ARID1B: variants seen among roughly 807,000 people sequenced by gnomAD.
ARID1B encodes AT-rich interaction domain 1B.
Under a neutral mutation model 212.3 loss-of-function variants are expected in ARID1B, and 30 were observed. That is an observed-to-expected ratio of 0.14 (90% CI 0.11 to 0.19). The LOEUF is 0.19. Ranked by LOEUF, ARID1B falls within the 10% of genes least tolerant of loss-of-function variation. ARID1B has a pLI of 1.00. For missense variants in ARID1B, 2,891 were observed against 3,204.0 expected, an observed-to-expected ratio of 0.90 and a Z score of 2.36; for synonymous variants, 1,402 against 1,301.7, an observed-to-expected ratio of 1.08 and a Z score of -1.66.
intron 4 of ARID1B, chr6:157,024,735 G>A (rs917224700): frequency 6.6e-6 from 1 of 152,104 alleles, no homozygotes; most frequent in Admixed American, 6.5e-5. Flanking sequence ...TGCACCAGTG[G>A]ACTCCAGTGT....
At chr6:156,823,688 G>GTTTTTTTT (rs56983474) in intron 1 of ARID1B, among the ~76,000 whole-genome samples, 5 of 118,024 alleles carry the variant, frequency 4.2e-5, no homozygotes, top group African/African-American at 9.5e-5. Flanking sequence ...TTTCTTTGTT[G>GTTTTTTTT]TTTTTTTTTT....
intron 4 of ARID1B, among the ~76,000 whole-genome samples, chr6:157,010,548 C>T (rs1046596396): frequency 6.6e-6 from 1 of 151,656 alleles, no homozygotes; most frequent in Admixed American, 6.6e-5. Flanking sequence ...GTCTCATCTC[C>T]TGACCTCATG....
chr6:156,961,094 C>G (rs975922064), intron 4 of ARID1B, among the ~76,000 whole-genome samples: 1 of 152,170 alleles, frequency 6.6e-6, no homozygotes, highest in African/African-American at 2.4e-5. Context: ...AAACCCCAAA[C>G]CTCTAACCCA....
chr6:156,838,709 T>TATAATAATAATAATAATAATA (rs35310749), intron 2 of ARID1B, among the ~76,000 whole-genome samples: 1,923 of 145,818 alleles, frequency 0.013, 18 homozygotes, highest in Non-Finnish European at 0.019. Context: ...GAACTTAAAG[T>TATAATAATAATAATAATAATA]ATAATAATAA....
At chr6:157,196,337 A>G in intron 16 of ARID1B, 22 bp downstream of exon 16, 3 of 1,580,212 alleles carry the variant, frequency 1.9e-6, no homozygotes, top group Non-Finnish European at 2.6e-6. Context: ...TTAAGATGAC[A>G]ATATGATGAT....
At chr6:157,114,562 G>T (rs2128529397) in intron 6 of ARID1B, among the ~76,000 whole-genome samples, 1 of 144,420 alleles carries the variant, frequency 6.9e-6, no homozygotes. Context: ...GGTATATCAT[G>T]GAAACCATAG....
intron 8 of ARID1B, chr6:157,151,246 C>T (rs143356617): frequency 0.033 from 5,065 of 152,194 alleles, 99 homozygotes; most frequent in Non-Finnish European, 0.041. Flanking sequence ...TGTTGTGCAG[C>T]GCTGTTCTCA....
chr6:156,964,134 G>A (rs538393996), intron 4 of ARID1B, among the ~76,000 whole-genome samples: 1 of 152,368 alleles, frequency 6.6e-6, no homozygotes, highest in Admixed American at 6.5e-5. Context: ...TGTCATCATG[G>A]ACTCAGCTGC....
chr6:156,862,836 T>C (rs1169603278), intron 2 of ARID1B, among the ~76,000 whole-genome samples: 1 of 152,252 alleles, frequency 6.6e-6, no homozygotes, highest in Non-Finnish European at 1.5e-5. Context: ...TCACTCTTCC[T>C]GCTCATGAAG....
In ARID1B at chr6:157,102,465, A is replaced by G. The variant is rs957124434; in HGVS notation, c.2492-8007A>G. ...TACATATAGATAGGAGAGAGCATAA[A>G]GCAACTTCTGTTACTGACATTTATT... On this transcript the variant is annotated intron_variant, in intron 5 of 19. Transcript: ENST00000636930. Among the ~76,000 whole-genome samples the G allele has an allele frequency of 3.3e-5, 5 of 152,216 alleles. No homozygotes were observed. The East Asian group carries it at 9.6e-4, about 29-fold the overall frequency.
At chr6:156,949,232 G>T (rs969756862) in intron 4 of ARID1B, among the ~76,000 whole-genome samples, 1 of 152,092 alleles carries the variant, frequency 6.6e-6, no homozygotes, top group African/African-American at 2.4e-5. Flanking sequence ...GTTTTATAGG[G>T]ATAAAAACAT....
At chr6:156,946,354 AGAGT>A (rs759467739) in intron 4 of ARID1B, among the ~76,000 whole-genome samples, 3 of 151,914 alleles carry the variant, frequency 2.0e-5, no homozygotes, top group African/African-American at 4.8e-5. Context: ...TCTGGGCGAC[AGAGT>A]GAGACTCCAT....
chr6:157,203,987 T>C lies in ARID1B; in HGVS notation c.5385T>C (p.Asn1795=), dbSNP rs1441526711. ...LYDDSTVATF[N]LSQLSGFLEL... ...ATGACAGCACTGTTGCTACTTTCAA[T>C]CTCTCCCAGGTAAGCCAGCATAGTC... is the stretch of plus-strand genomic sequence containing the variant. The change falls in exon 19 of 20, where the codon AAT becomes AAC. Residue 1795 remains asparagine (N), a synonymous_variant. Coordinates refer to ENST00000636930, the MANE Select transcript of ARID1B (RefSeq NM_001374828.1). This position sits in a 1 kb window ranked among gnomAD's most constrained non-coding sequence, Gnocchi z 4.4. The C allele has an allele frequency of 1.9e-6, 3 of 1,613,962 alleles. No individual in the cohort carries two copies. In the African/African-American group the frequency reaches 4.0e-5, roughly 22 times the overall value.
intron 5 of ARID1B, among the ~76,000 whole-genome samples, chr6:157,091,236 A>G (rs1785259371): frequency 6.6e-6 from 1 of 152,148 alleles, no homozygotes; most frequent in Non-Finnish European, 1.5e-5. Context: ...GCCATAATGA[A>G]TCTGTGCCCC....
chr6:156,916,424 C>T (rs921166487), intron 3 of ARID1B, among the ~76,000 whole-genome samples: 1 of 152,116 alleles, frequency 6.6e-6, no homozygotes, highest in African/African-American at 2.4e-5. Flanking sequence ...CAACACTCGT[C>T]ATTTCCTTCT....
intron 11 of ARID1B, among the ~76,000 whole-genome samples, chr6:157,176,678 T>C (rs1301724903): frequency 3.9e-5 from 6 of 152,104 alleles, no homozygotes; most frequent in African/African-American, 1.2e-4. Context: ...AAACCTTGTC[T>C]CTACTAAAAA....
chr6:157,106,936 A>G (rs1357900330), intron 5 of ARID1B, among the ~76,000 whole-genome samples: 1 of 152,228 alleles, frequency 6.6e-6, no homozygotes, highest in African/African-American at 2.4e-5. Flanking sequence ...AAATGTAAAC[A>G]AGATCTTCTA....
chr6:157,056,703 G>GA (rs1307069105), intron 4 of ARID1B, among the ~76,000 whole-genome samples: 1 of 152,028 alleles, frequency 6.6e-6, no homozygotes. Context: ...GAAATGCTCA[G>GA]AAAAAATTTT....
At chr6:157,117,023 C>T (rs978591808) in intron 6 of ARID1B, among the ~76,000 whole-genome samples, 6 of 152,288 alleles carry the variant, frequency 3.9e-5, no homozygotes, top group Admixed American at 2.6e-4. Flanking sequence ...GAGATCTTGA[C>T]AGCTGTTTGT....
Sources: allele counts gnomAD v4.1 joint callset (sites outside exome capture counted in the v4.1 genomes callset), GRCh38; gene constraint gnomAD v4.1.1; non-coding constraint Gnocchi (gnomAD v3.1); transcripts MANE v1.5; gene names NCBI Gene and HGNC (gene_info 2026-07-23, HGNC 2026-07-21).